GALNT14: variants seen among roughly 807,000 people sequenced by gnomAD.
GALNT14 encodes UDP-GalNAc:polypeptide N-acetylgalactosaminyltransferase 14.
GALNT14 carries 60 observed loss-of-function variants against 77.5 expected under a neutral mutation model. That is an observed-to-expected ratio of 0.77 (90% confidence interval 0.63 to 0.96). GALNT14 has a LOEUF of 0.96. GALNT14 is among the 40% of genes least tolerant of loss of function. The probability of loss-of-function intolerance (pLI) is 0.00; values close to 1 mark genes in which losing one functional copy is unlikely to be tolerated. For missense variants in GALNT14, 710 were observed against 731.0 expected (o/e 0.97, Z 0.33); for synonymous variants, 280 against 281.7 (o/e 0.99, Z 0.06).
chr2:31,091,234 A>G (rs907759634), intron 1 of GALNT14, among the ~76,000 whole-genome samples: 3 of 152,232 alleles, frequency 2.0e-5, no homozygotes, highest in Admixed American at 1.3e-4. Context: ...TAAATGGTTG[A>G]AAAAAAGTCA....
chr2:31,039,684 C>CT (rs67885943), intron 1 of GALNT14, among the ~76,000 whole-genome samples: 2 of 151,574 alleles, frequency 1.3e-5, no homozygotes, highest in East Asian at 1.9e-4. Context: ...TAGAAGATCT[C>CT]TTTTTTTTTC....
chr2:31,009,972 C>T (rs1670915830), intron 1 of GALNT14, among the ~76,000 whole-genome samples: 3 of 152,168 alleles, frequency 2.0e-5, no homozygotes, highest in South Asian at 2.1e-4. Context: ...ATTCATTTTC[C>T]AAAGTCACCT....
chr2:30,936,928 A>T (rs1666091472), intron 9 of GALNT14, among the ~76,000 whole-genome samples: 1 of 152,140 alleles, frequency 6.6e-6, no homozygotes, highest in Admixed American at 6.5e-5. Context: ...GTCTGATGGG[A>T]CTCAATTACA....
chr2:31,036,090 C>T (rs532054348), intron 1 of GALNT14, among the ~76,000 whole-genome samples: 77 of 152,176 alleles, frequency 5.1e-4, no homozygotes, highest in African/African-American at 1.6e-3. Context: ...CATTTTGCCA[C>T]GCTCTGTTTT....
intron 1 of GALNT14, among the ~76,000 whole-genome samples, chr2:31,135,717 T>A (rs867341634): frequency 6.6e-6 from 1 of 152,292 alleles, no homozygotes; most frequent in Middle Eastern, 3.4e-3. Context: ...ACTAAACCAC[T>A]CCCCACCTTA....
intron 1 of GALNT14, among the ~76,000 whole-genome samples, chr2:31,103,495 A>ACACACACACACACG (rs1223504547): frequency 2.6e-5 from 4 of 151,930 alleles, no homozygotes; most frequent in African/African-American, 9.7e-5. Flanking sequence ...AAGGAAACAC[A>ACACACACACACACG]CACACACACA....
At chr2:31,102,445 T>C (rs751365022) in intron 1 of GALNT14, among the ~76,000 whole-genome samples, 20 of 152,248 alleles carry the variant, frequency 1.3e-4, no homozygotes, top group Non-Finnish European at 1.9e-4. Flanking sequence ...GGATTTTACT[T>C]TCAGTTAAAT....
intron 9 of GALNT14, among the ~76,000 whole-genome samples, chr2:30,932,876 A>G (rs1357591619): frequency 6.6e-6 from 1 of 152,242 alleles, no homozygotes; most frequent in Non-Finnish European, 1.5e-5. Context: ...AAGCAGTTCT[A>G]GAAAATGCTG....
intron 4 of GALNT14, 79 bp from the exon 5 acceptor site, chr2:30,956,056 C>A: frequency 7.0e-7 from 1 of 1,429,984 alleles, no homozygotes; most frequent in Non-Finnish European, 9.9e-7. Context: ...TGCAGGTGAA[C>A]CTGAAGGGTA....
At chr2:30,956,242 A>G (rs1247491489) in intron 4 of GALNT14, among the ~76,000 whole-genome samples, 3 of 152,200 alleles carry the variant, frequency 2.0e-5, no homozygotes, top group Non-Finnish European at 4.4e-5. Flanking sequence ...GCACCTGTAT[A>G]CTTGCTTGAA....
intron 1 of GALNT14, among the ~76,000 whole-genome samples, chr2:31,099,258 G>T (rs1677152352): frequency 6.6e-6 from 1 of 151,660 alleles, no homozygotes; most frequent in African/African-American, 2.4e-5. Flanking sequence ...CTTTTTCTGT[G>T]CATTGCCCGT....
downstream of GALNT14, among the ~76,000 whole-genome samples, chr2:30,907,829 G>A (rs1664184263): frequency 6.8e-6 from 1 of 146,338 alleles, no homozygotes; most frequent in Non-Finnish European, 1.5e-5. Context: ...CTGACAAAAC[G>A]AATCCAGCAG....
intron 1 of GALNT14, among the ~76,000 whole-genome samples, chr2:31,096,699 G>A (rs1677018953): frequency 2.0e-5 from 3 of 152,240 alleles, no homozygotes; most frequent in South Asian, 4.1e-4. Flanking sequence ...AAACATCACA[G>A]TCCTGGTTTA....
chr2:31,107,844 C>A (rs111614064), intron 1 of GALNT14, among the ~76,000 whole-genome samples: 13 of 152,144 alleles, frequency 8.5e-5, no homozygotes, highest in African/African-American at 3.1e-4. Flanking sequence ...GATTTCACCT[C>A]GGTCCTGTTT....
intron 1 of GALNT14, among the ~76,000 whole-genome samples, chr2:31,077,925 A>T (rs868092137): frequency 6.6e-6 from 1 of 152,224 alleles, no homozygotes; most frequent in Admixed American, 6.5e-5. Flanking sequence ...TCCACAGAGG[A>T]ATGTATAGTA....
intron 12 of GALNT14, 133 bp downstream of exon 12, chr2:30,924,607 A>G: frequency 1.4e-6 from 1 of 694,974 alleles, no homozygotes; most frequent in Non-Finnish European, 2.5e-6. Context: ...AACGGAGCCA[A>G]CTGGTCTTCT....
chr2:31,003,669 C>A (rs1481539515), intron 1 of GALNT14, among the ~76,000 whole-genome samples: 1 of 152,216 alleles, frequency 6.6e-6, no homozygotes, highest in Non-Finnish European at 1.5e-5. Flanking sequence ...TGCATTACAA[C>A]TTTGGGGGAA....
chr2:30,891,623 C>A, the GALNT14 span, among the ~76,000 whole-genome samples: 2 of 152,170 alleles, frequency 1.3e-5, no homozygotes, highest in Admixed American at 6.5e-5. Flanking sequence ...GGCTGTCCTG[C>A]ATCAGTGTTG....
At chr2:30,969,656 G>C (rs1043414273) in intron 2 of GALNT14, among the ~76,000 whole-genome samples, 2 of 152,134 alleles carry the variant, frequency 1.3e-5, no homozygotes, top group African/African-American at 4.8e-5. Flanking sequence ...GACAGAAATG[G>C]GGCACAGAAT....
Sources: gnomAD v4.1 joint callset for allele counts (sites outside exome capture counted in the v4.1 genomes callset) on GRCh38, gnomAD v4.1.1 for gene constraint, MANE v1.5 for transcripts, NCBI Gene and HGNC (gene_info 2026-07-23, HGNC 2026-07-21) for gene names.